The following PRKCB variants were observed in gnomAD, a reference collection of about 807,000 sequenced individuals.
PRKCB encodes protein kinase C beta, also known as protein kinase C beta type.
PRKCB carries 13 observed loss-of-function variants against 81.5 expected under a neutral mutation model. That is an observed-to-expected ratio of 0.16 (90% CI 0.10 to 0.25). The LOEUF is 0.25. Ranked by LOEUF, PRKCB falls within the 10% of genes least tolerant of loss-of-function variation. PRKCB has a pLI of 1.00. For synonymous variants in PRKCB, 335 were observed against 321.4 expected (o/e 1.04, Z -0.45); for missense variants, 509 against 875.7 (o/e 0.58, Z 5.29).
intron 2 of PRKCB, among the ~76,000 whole-genome samples, chr16:23,880,399 A>G: frequency 6.6e-6 from 1 of 151,768 alleles, no homozygotes; most frequent in Non-Finnish European, 1.5e-5. Flanking sequence ...CTTCTCACAT[A>G]TGCCTTTGTC....
intron 7 of PRKCB, among the ~76,000 whole-genome samples, chr16:24,097,182 G>A (rs1966456995): frequency 6.6e-6 from 1 of 151,804 alleles, no homozygotes; most frequent in Non-Finnish European, 1.5e-5. Flanking sequence ...GACTACAGGT[G>A]CCCGCCACCA....
intron 2 of PRKCB, among the ~76,000 whole-genome samples, chr16:23,856,220 A>G (rs977210307): frequency 3.3e-5 from 5 of 152,140 alleles, no homozygotes; most frequent in Admixed American, 2.6e-4. Context: ...TATCCAACCA[A>G]CGATACTTTA....
chr16:24,136,347 A>C (rs968925450), intron 9 of PRKCB, among the ~76,000 whole-genome samples: 6 of 152,204 alleles, frequency 3.9e-5, no homozygotes, highest in Admixed American at 3.3e-4. Context: ...CTGCAAGTAG[A>C]TTGTCAAGCC....
rs753938672 is a variant in PRKCB at position 23,836,352 on chromosome 16, AGC to A, written c.173+15_173+16del. 6.6e-5 allele frequency: 105 copies of A among 1,598,274 alleles called. No individual in the cohort carries two copies. Among genetic ancestry groups the A allele is most frequent in the East Asian group, 3.7e-4 (16 of 42,890 alleles). On this transcript the variant is annotated splice_donor_5th_base_variant and intron_variant, in intron 1 of 16. Coordinates refer to ENST00000643927, the MANE Select transcript of PRKCB (RefSeq NM_002738.7). ...GCCACTGCACCGACTTCATCTGGTG[AGC>A]GCGCGCGCGCAGGGCACCTTCCCGG...
chr16:24,064,044 A>G (rs1309711640), intron 5 of PRKCB, among the ~76,000 whole-genome samples: 5 of 152,106 alleles, frequency 3.3e-5, no homozygotes, highest in Non-Finnish European at 5.9e-5. Context: ...CTCCCAGTCC[A>G]TTTGTTTCTA....
At chr16:23,842,265 T>C (rs954114886) in intron 2 of PRKCB, among the ~76,000 whole-genome samples, 2 of 152,160 alleles carry the variant, frequency 1.3e-5, no homozygotes, top group African/African-American at 4.8e-5. Flanking sequence ...TCTCCTCATC[T>C]GTAAAATGGG....
chr16:24,185,302 C>T, intron 14 of PRKCB, 111 bp downstream of exon 14: 1 of 1,240,812 alleles, frequency 8.1e-7, no homozygotes, highest in South Asian at 1.3e-5. Context: ...ACCTCTATGA[C>T]TTTCCCGGCC....
At chr16:23,990,666 G>C (rs940226323) in intron 3 of PRKCB, among the ~76,000 whole-genome samples, 7 of 151,782 alleles carry the variant, frequency 4.6e-5, no homozygotes, top group Non-Finnish European at 8.8e-5. Context: ...CCCCACCTCA[G>C]CCGCCCACGT....
At chr16:23,848,428 A>G (rs1962415137) in intron 2 of PRKCB, among the ~76,000 whole-genome samples, 1 of 152,110 alleles carries the variant, frequency 6.6e-6, no homozygotes, top group Non-Finnish European at 1.5e-5. Flanking sequence ...TATTTTTCAC[A>G]CCCTAAAGAG....
Position 23,999,921 on chromosome 16 carries a change from G to A in PRKCB, c.288+11331G>A, listed in dbSNP as rs116209105. ...AGATGGCCCCTTTCACATGACTGAC[G>A]ACGAGCAGGTTGTCGGCCTGTGTGA... is the stretch of plus-strand genomic sequence containing the variant. On this transcript the variant is annotated intron_variant, in intron 3 of 16. Transcript: ENST00000643927. Among the ~76,000 whole-genome samples, 1,274 of 152,222 alleles carry A rather than the reference G, an allele frequency of 8.4e-3. 14 individuals carry two copies. Among genetic ancestry groups the A allele is most frequent in the African/African-American group, 0.028 (1,171 of 41,522 alleles).
chr16:23,865,280 TGTG>T (rs1962751908), intron 2 of PRKCB, among the ~76,000 whole-genome samples: 1 of 150,242 alleles, frequency 6.7e-6, no homozygotes, highest in African/African-American at 2.5e-5. Context: ...TGTGTGTGTG[TGTG>T]TGTGTGTGTG....
chr16:24,158,439 C>T (rs747659906), intron 10 of PRKCB, among the ~76,000 whole-genome samples: 11 of 152,026 alleles, frequency 7.2e-5, no homozygotes, highest in Non-Finnish European at 1.3e-4. Flanking sequence ...ACAGCTAGTA[C>T]ATTTCAGGGC....
chr16:24,186,742 G>C (rs1460974213), intron 15 of PRKCB, among the ~76,000 whole-genome samples: 1 of 152,228 alleles, frequency 6.6e-6, no homozygotes, highest in African/African-American at 2.4e-5. Context: ...GTTTGGAATA[G>C]CTGGGCCAGC....
intron 11 of PRKCB, 100 bp from the exon 12 acceptor site, chr16:24,174,418 T>C (rs1967494890): frequency 9.5e-7 from 1 of 1,051,990 alleles, no homozygotes; most frequent in Non-Finnish European, 1.4e-6. Flanking sequence ...GGTTCTTTAA[T>C]GTCCTACACC....
At chr16:24,156,464 C>T (rs931998241) in intron 10 of PRKCB, among the ~76,000 whole-genome samples, 3 of 151,910 alleles carry the variant, frequency 2.0e-5, no homozygotes, top group South Asian at 4.1e-4. Flanking sequence ...TAGTAGAGAC[C>T]GGGTTTCACC....
At chr16:23,892,110 C>T (rs561214636) in intron 2 of PRKCB, among the ~76,000 whole-genome samples, 16 of 151,300 alleles carry the variant, frequency 1.1e-4, no homozygotes, top group African/African-American at 3.7e-4. Context: ...ATAAGTGGCA[C>T]GATTCCCTTG....
intron 2 of PRKCB, among the ~76,000 whole-genome samples, chr16:23,847,368 CTAT>C (rs1962390858): frequency 8.1e-4 from 6 of 7,404 alleles, no homozygotes; most frequent in South Asian, 0.02. Flanking sequence ...ATCTATCTAT[CTAT>C]CTATCTGTCC....
chr16:23,937,829 G>C (rs377465804), intron 2 of PRKCB, among the ~76,000 whole-genome samples: 11 of 152,340 alleles, frequency 7.2e-5, no homozygotes, highest in South Asian at 6.2e-4. Flanking sequence ...GCCAGCAAGG[G>C]AAGGGGAGGC....
At chr16:23,951,958 T>C (rs1454729273) in intron 2 of PRKCB, among the ~76,000 whole-genome samples, 1 of 152,182 alleles carries the variant, frequency 6.6e-6, no homozygotes, top group African/African-American at 2.4e-5. Flanking sequence ...GTGACCTGTT[T>C]GTCTCCCTGG....
Sources: gnomAD v4.1 joint callset for allele counts (sites outside exome capture counted in the v4.1 genomes callset) on GRCh38, gnomAD v4.1.1 for gene constraint, MANE v1.5 for transcripts, NCBI Gene and HGNC (gene_info 2026-07-23, HGNC 2026-07-21) for gene names.